Variants in FGL2 observed in about 807,000 individuals in gnomAD.
FGL2 encodes the protein fibrinogen like 2.
Under a neutral mutation model 36.0 loss-of-function variants are expected in FGL2, and 21 were observed. The ratio of observed to expected loss-of-function variants is 0.58; its 90% CI spans 0.41 to 0.84. The LOEUF is 0.84. FGL2 is among the 40% of genes least tolerant of loss of function. FGL2 has a pLI of 0.00. For missense variants in FGL2, 444 were observed against 526.3 expected (o/e 0.84, Z 1.53); for synonymous variants, 183 against 190.7 (o/e 0.96, Z 0.33).
At position 77,199,278 on chromosome 7, in the gene FGL2, A is replaced by G. The variant is rs149629637; in HGVS notation, c.516T>C (p.Tyr172=). ...TTAGATTTGCCACTTTGCTGTCAAC[A>G]TAATTTTCTATGTTGTTCATATTTA... ...NLVNMNNIEN[Y]VDSKVANLTF... The change falls in exon 1 of 2, where the codon TAT becomes TAC. Residue 172 remains tyrosine (Y), a synonymous_variant. Coordinates refer to ENST00000248598, the MANE Select transcript of FGL2 (RefSeq NM_006682.3). 45 of 1,614,002 alleles carry G rather than the reference A, an allele frequency of 2.8e-5. No homozygotes were observed. The African/African-American group carries it at 5.7e-4, about 21-fold the overall frequency.
rs1028446662 is a variant in FGL2, at chr7:77,196,260, G to T, written c.*19C>A. The T allele has an allele frequency of 1.9e-6, 3 of 1,567,298 alleles. No homozygotes were observed. Among genetic ancestry groups the T allele is most frequent in the Non-Finnish European group, 2.6e-6 (3 of 1,145,738 alleles). ...TGCCCTATTAGATAACGAATACCTG[G>T]AGGAATGAACAGAGTGATTTATGGC... On this transcript the variant is annotated 3_prime_UTR_variant, in exon 2 of 2. Transcript: ENST00000248598. The surrounding 1 kb of genome is among the most constrained non-coding windows in gnomAD (Gnocchi z 4.2).
In FGL2 at chr7:77,196,569, G is replaced by T; in HGVS notation, c.1030C>A (p.Arg344Ser). 1 of 1,614,096 alleles carries T rather than the reference G, an allele frequency of 6.2e-7. No individual in the cohort carries two copies. The highest frequency in any genetic ancestry group is 8.5e-7 in the Non-Finnish European group (1 of 1,179,998). The change falls in exon 2 of 2, where the codon CGT becomes AGT. Residue 344 changes from arginine to serine, a missense_variant. Arg to Ser is a moderately radical substitution (Grantham distance 110). Transcript: ENST00000248598. The surrounding 1 kb of genome is among the most constrained non-coding windows in gnomAD (Gnocchi z 4.2). Reference protein sequence around the residue: ...NYNGTAGDALRFNKHYNHDLK... With the variant: ...NYNGTAGDALSFNKHYNHDLK... ...TCGTGGTTGTAATGTTTGTTGAAAC[G>T]TAATGCATCTCCAGCTGTGCCATTA...
At position 77,197,845 on chromosome 7, in the gene FGL2, G is replaced by A. The variant is rs144815748; in HGVS notation, c.614-860C>T. 9.7e-3 allele frequency among the ~76,000 whole-genome samples: 1,484 copies of A among 152,210 alleles called. 7 individuals are homozygous for A. Among genetic ancestry groups the A allele is most frequent in the Non-Finnish European group, 0.015 (1,006 of 68,012 alleles). The stretch of plus-strand genomic sequence containing the variant: ...GTTGGGTTTCTAGAAAGAAACAACA[G>A]GTGACTATATTGAGGATAAGCATAA... On this transcript the variant is annotated intron_variant, in intron 1 of 1. Coordinates refer to ENST00000248598, the MANE Select transcript of FGL2 (RefSeq NM_006682.3).
chr7:77,199,684 T>A lies in FGL2; in HGVS notation c.110A>T (p.Asp37Val). ...TEEIKDERAK[D>V]VCPVRLESRG... Reference sequence around the variant, plus strand: ...GCTTTCTAGTCTCACTGGGCAGACATCCTTTGCTCTTTCATCTTTAATTTC... The same window carrying A: ...GCTTTCTAGTCTCACTGGGCAGACAACCTTTGCTCTTTCATCTTTAATTTC... Residue 37 changes from aspartate to valine, a missense_variant, in exon 1 of 2, where the codon GAT becomes GTT. Asp to Val is a radical substitution (Grantham distance 152). Coordinates refer to ENST00000248598, the MANE Select transcript of FGL2 (RefSeq NM_006682.3). 1 of 1,614,174 alleles carries A rather than the reference T, an allele frequency of 6.2e-7. No individual in the cohort carries two copies. The highest frequency in any genetic ancestry group is 8.5e-7 in the Non-Finnish European group (1 of 1,180,014).
chr7:77,196,244 A>T lies in FGL2; in HGVS notation c.*35T>A. 1 of 1,474,468 alleles carries T rather than the reference A, an allele frequency of 6.8e-7. No individual in the cohort carries two copies. Among genetic ancestry groups the T allele is most frequent in the Non-Finnish European group, 9.3e-7 (1 of 1,070,402 alleles). The allele number at this position is 1,474,468 out of a possible 1,614,324, so 91.3% of individuals were successfully genotyped here. On this transcript the variant is annotated 3_prime_UTR_variant, in exon 2 of 2. Transcript: ENST00000248598. The surrounding 1 kb of genome is among the most constrained non-coding windows in gnomAD (Gnocchi z 4.2). ...TGCTGAAGGAATTAATTGCCCTATT[A>T]GATAACGAATACCTGGAGGAATGAA...
rs1424022724 is a variant in FGL2, at chr7:77,193,677, A to G, written c.*2602T>C. The G allele has an allele frequency of 6.6e-6, 1 of 152,150 alleles. No homozygotes were observed. The highest frequency in any genetic ancestry group is 6.5e-5 in the Admixed American group (1 of 15,268). The allele number at this position is 152,150 out of a possible 1,614,324, so 9.4% of individuals were successfully genotyped here. ...ATTCATTTGGAGCATTACTATTATC[A>G]GTAAAATTTGATTTTTTTTTCCCCT... On this transcript the variant is annotated 3_prime_UTR_variant, in exon 2 of 2. Transcript: ENST00000248598.
rs1229148927 is a variant in FGL2, at chr7:77,196,227, G to A, written c.*52C>T. 1.5e-6 allele frequency: 2 copies of A among 1,315,324 alleles called. No individual in the cohort carries two copies. Among genetic ancestry groups the A allele is most frequent in the Non-Finnish European group, 2.1e-6 (2 of 941,104 alleles). The allele number at this position is 1,315,324 out of a possible 1,614,324, so 81.5% of individuals were successfully genotyped here. The stretch of plus-strand genomic sequence containing the variant: ...CAAGGCATATTCTAAAGTGCTGAAG[G>A]AATTAATTGCCCTATTAGATAACGA... On this transcript the variant is annotated 3_prime_UTR_variant, in exon 2 of 2. Transcript: ENST00000248598. This position sits in a 1 kb window ranked among gnomAD's most constrained non-coding sequence, Gnocchi z 4.2.
intron 1 of FGL2, 59 bp downstream of exon 1, chr7:77,199,122 A>G (rs1271506560): frequency 4.9e-6 from 7 of 1,427,908 alleles, no homozygotes; most frequent in African/African-American, 1.4e-5. Flanking sequence ...ATGTTTATAG[A>G]TACTCTCTAG....
At position 77,196,876 on chromosome 7, in the gene FGL2, G is replaced by C. The variant is rs1791882637; in HGVS notation, c.723C>G (p.Tyr241Ter). 6.2e-7 allele frequency: 1 copy of C among 1,613,784 alleles called. No individual in the cohort carries two copies. The highest frequency in any genetic ancestry group is 1.3e-5 in the African/African-American group (1 of 74,858). ...PDPKNSSFEVYCDMETMGGGW... is the reference protein window; with the variant it reads ...PDPKNSSFEV ...CTCCCCCCATGGTCTCCATGTCACAGTAAACTTCAAAGCTACTATTTTTGG... is the reference window on the plus strand; with the variant it reads ...CTCCCCCCATGGTCTCCATGTCACACTAAACTTCAAAGCTACTATTTTTGG... The change falls in exon 2 of 2, where the codon TAC becomes TAG. Residue 241 changes from tyrosine to a stop codon, truncating the protein, a stop_gained. Transcript: ENST00000248598. LOFTEE classifies it high-confidence loss of function. This position sits in a 1 kb window ranked among gnomAD's most constrained non-coding sequence, Gnocchi z 4.2.
At position 77,196,501 on chromosome 7, in the gene FGL2, A is replaced by T. The variant is rs140799198; in HGVS notation, c.1098T>A (p.Tyr366Ter). ...FTTPDKDNDR[Y>*]PSGNCGLYYS... Reference sequence around the variant, plus strand: ...AGTACAGCCCACAGTTCCCAGAAGGATATCGATCATTGTCTTTATCTGGAG... The same window carrying T: ...AGTACAGCCCACAGTTCCCAGAAGGTTATCGATCATTGTCTTTATCTGGAG... The change falls in exon 2 of 2, where the codon TAT (tyrosine) becomes TAA (stop). Residue 366 changes from tyrosine (Y) to a stop codon, truncating the protein, a stop_gained. Coordinates refer to ENST00000248598, the MANE Select transcript of FGL2 (RefSeq NM_006682.3). LOFTEE classifies it high-confidence loss of function. This position sits in a 1 kb window ranked among gnomAD's most constrained non-coding sequence, Gnocchi z 4.2. 1 of 1,614,050 alleles carries T rather than the reference A, an allele frequency of 6.2e-7. No homozygotes were observed. Among genetic ancestry groups the T allele is most frequent in the African/African-American group, 1.3e-5 (1 of 74,910 alleles).
chr7:77,195,214 C>T lies in FGL2; in HGVS notation c.*1065G>A, dbSNP rs796678233. Reference sequence around the variant, plus strand: ...GTAGTCTAGTACAGTAGTGAGCAATCTTAAATTAAAAGCTATTGTTCACAC... The same window carrying T: ...GTAGTCTAGTACAGTAGTGAGCAATTTTAAATTAAAAGCTATTGTTCACAC... On this transcript the variant is annotated 3_prime_UTR_variant, in exon 2 of 2. Coordinates refer to ENST00000248598, the MANE Select transcript of FGL2 (RefSeq NM_006682.3). 3.0e-5 allele frequency: 4 copies of T among 135,278 alleles called. No homozygotes were observed. Among genetic ancestry groups the T allele is most frequent in the African/African-American group, 1.1e-4 (4 of 37,578 alleles). 8.4% of individuals were successfully genotyped at this position (135,278 alleles called of 1,614,324 possible).
In FGL2 at chr7:77,195,166, A is replaced by T. The variant is rs1169987826; in HGVS notation, c.*1113T>A. 2 of 110,896 alleles carry T rather than the reference A, an allele frequency of 1.8e-5. No homozygotes were observed. Among genetic ancestry groups the T allele is most frequent in the Non-Finnish European group, 3.8e-5 (2 of 52,764 alleles). The allele number at this position is 110,896 out of a possible 1,614,324, so 6.9% of individuals were successfully genotyped here. ...CTTCATTACCCACATATCCCTACCC[A>T]CCCCCCCCAAAAAAACCTACCAGTA... On this transcript the variant is annotated 3_prime_UTR_variant, in exon 2 of 2. Transcript: ENST00000248598.
chr7:77,196,449 A>G lies in FGL2; in HGVS notation c.1150T>C (p.Cys384Arg). 3 of 1,614,178 alleles carry G rather than the reference A, an allele frequency of 1.9e-6. No homozygotes were observed. Among genetic ancestry groups the G allele is most frequent in the East Asian group, 2.2e-5 (1 of 44,888 alleles). Residue 384 changes from cysteine to arginine, a missense_variant, in exon 2 of 2, where the codon TGT becomes CGT. Cys to Arg is a radical substitution (Grantham distance 180, BLOSUM62 -3). Coordinates refer to ENST00000248598, the MANE Select transcript of FGL2 (RefSeq NM_006682.3). This position sits in a 1 kb window ranked among gnomAD's most constrained non-coding sequence, Gnocchi z 4.2. ...TTGCCATTTAAGTTTGCAGAAAGAC[A>G]TGCATCAAACCACCAGCCTGAACTG... ...YYSSGWWFDA[C>R]LSANLNGKYY...
rs1791843863 is a variant in FGL2, at chr7:77,195,174, C to CCA, written c.*1104_*1105insTG. On this transcript the variant is annotated 3_prime_UTR_variant, in exon 2 of 2. Coordinates refer to ENST00000248598, the MANE Select transcript of FGL2 (RefSeq NM_006682.3). Reference sequence around the variant, plus strand: ...CCCACATATCCCTACCCACCCCCCCCAAAAAAACCTACCAGTAGTCTAGTA... The same window carrying CCA: ...CCCACATATCCCTACCCACCCCCCCCCAAAAAAAACCTACCAGTAGTCTAGTA... 6.6e-6 allele frequency: 1 copy of CCA among 151,240 alleles called. No individual in the cohort carries two copies. 9.4% of individuals were successfully genotyped at this position (151,240 alleles called of 1,614,324 possible).
rs1191250088 is a variant in FGL2, at chr7:77,199,289, T to G, written c.505A>C (p.Ile169Leu). 1 of 1,614,146 alleles carries G rather than the reference T, an allele frequency of 6.2e-7. No individual in the cohort carries two copies. Among genetic ancestry groups the G allele is most frequent in the African/African-American group, 1.3e-5 (1 of 75,050 alleles). The change falls in exon 1 of 2, where the codon ATA becomes CTA. Residue 169 changes from isoleucine (I) to leucine (L), a missense_variant. Physicochemically the swap from Ile to Leu is conservative, Grantham distance 5 (BLOSUM62 2). Coordinates refer to ENST00000248598, the MANE Select transcript of FGL2 (RefSeq NM_006682.3). ...EKLNLVNMNN[I>L]ENYVDSKVAN... ...ACTTTGCTGTCAACATAATTTTCTA[T>G]GTTGTTCATATTTACAAGATTCAGC...
chr7:77,198,060 G>A, intron 1 of FGL2: 1 of 872,816 alleles, frequency 1.1e-6, no homozygotes. Flanking sequence ...ATAGACAATA[G>A]TCTTCATATC....
rs1395450250 is a variant in FGL2 at position 77,194,449 on chromosome 7, A to G, written c.*1830T>C. On this transcript the variant is annotated 3_prime_UTR_variant, in exon 2 of 2. Coordinates refer to ENST00000248598, the MANE Select transcript of FGL2 (RefSeq NM_006682.3). Reference sequence around the variant, plus strand: ...TACAATATTTTACATTTTGGTCATCATTTAATGCTATTTGCATTTCTCTTT... The same window carrying G: ...TACAATATTTTACATTTTGGTCATCGTTTAATGCTATTTGCATTTCTCTTT... The G allele has an allele frequency of 1.3e-5, 2 of 152,098 alleles. No individual in the cohort carries two copies. The highest frequency in any genetic ancestry group is 2.9e-5 in the Non-Finnish European group (2 of 67,928). 9.4% of individuals were successfully genotyped at this position (152,098 alleles called of 1,614,324 possible). A position where few individuals can be genotyped will look rare whatever the true frequency, so the allele number is the denominator to read the frequency against.
Position 77,196,827 on chromosome 7 carries a change from G to C in FGL2, c.772C>G (p.Leu258Val). The C allele has an allele frequency of 6.2e-7, 1 of 1,614,098 alleles. No individual in the cohort carries two copies. Among genetic ancestry groups the C allele is most frequent in the Non-Finnish European group, 8.5e-7 (1 of 1,180,016 alleles). ...CTGGTGAAGTTGGTGCTCCCATCGAGACGTGCCTGCAGCACTGTCCAGCCT... is the reference window on the plus strand; with the variant it reads ...CTGGTGAAGTTGGTGCTCCCATCGACACGTGCCTGCAGCACTGTCCAGCCT... ...GGGWTVLQAR[L>V]DGSTNFTRTW... Residue 258 changes from leucine (L) to valine (V), a missense_variant, in exon 2 of 2, where the codon CTC (leucine) becomes GTC (valine). Transcript: ENST00000248598. The surrounding 1 kb of genome is among the most constrained non-coding windows in gnomAD (Gnocchi z 4.2).
At position 77,199,279 on chromosome 7, in the gene FGL2, T is replaced by C. The variant is rs1435792914; in HGVS notation, c.515A>G (p.Tyr172Cys). 2 of 1,614,150 alleles carry C rather than the reference T, an allele frequency of 1.2e-6. No homozygotes were observed. Among genetic ancestry groups the C allele is most frequent in the Admixed American group, 3.3e-5 (2 of 60,020 alleles). Reference sequence around the variant, plus strand: ...TAGATTTGCCACTTTGCTGTCAACATAATTTTCTATGTTGTTCATATTTAC... The same window carrying C: ...TAGATTTGCCACTTTGCTGTCAACACAATTTTCTATGTTGTTCATATTTAC... ...NLVNMNNIEN[Y>C]VDSKVANLTF... is the part of the protein sequence containing the mutation. Residue 172 changes from tyrosine to cysteine, a missense_variant, in exon 1 of 2, where the codon TAT becomes TGT. Physicochemically the swap from Tyr to Cys is radical, Grantham distance 194. Transcript: ENST00000248598.
Sources: gnomAD v4.1 joint callset for allele counts (sites outside exome capture counted in the v4.1 genomes callset) on GRCh38, gnomAD v4.1.1 for gene constraint, Gnocchi (gnomAD v3.1) non-coding constraint, MANE v1.5 for transcripts, NCBI Gene and HGNC (gene_info 2026-07-23, HGNC 2026-07-21) for gene names.